Variants in INPPL1 observed in about 807,000 individuals in gnomAD.
INPPL1 encodes the protein inositol polyphosphate phosphatase like 1, also known as phosphatidylinositol 3,4,5-trisphosphate 5-phosphatase 2.
INPPL1 carries 91 observed loss-of-function variants against 139.3 expected under a neutral mutation model. The observed-to-expected ratio is 0.65, with a 90% CI of 0.55 to 0.78. The LOEUF (loss-of-function observed/expected upper bound fraction) is 0.78. Among genes scored for constraint, INPPL1 ranks in the 30% least tolerant of loss-of-function variants. INPPL1 has a pLI of 0.00. For synonymous variants in INPPL1, 719 were observed against 686.6 expected (o/e 1.05, Z -0.74); for missense variants, 1,411 against 1,665.6 (o/e 0.85, Z 2.66).
At position 72,234,835 on chromosome 11, in the gene INPPL1, GTTCA is replaced by G. The variant is rs1343889200; in HGVS notation, c.2415+229_2415+232del. Among the ~76,000 whole-genome samples, 7 of 151,936 alleles carry G rather than the reference GTTCA, an allele frequency of 4.6e-5. No individual in the cohort carries two copies. The highest frequency in any genetic ancestry group is 1.0e-4 in the Non-Finnish European group (7 of 67,972). On this transcript the variant is annotated intron_variant, in intron 21 of 27. Coordinates refer to ENST00000298229, the MANE Select transcript of INPPL1 (RefSeq NM_001567.4). This position sits in a 1 kb window ranked among gnomAD's most constrained non-coding sequence, Gnocchi z 4.2. ...GGAGTGTGGAACCTTGTTGCAGTTT[GTTCA>G]TTCATTCAGGAGATGCTTCTTGAGC...
At position 72,228,461 on chromosome 11, in the gene INPPL1, G is replaced by A. The variant is rs200094851; in HGVS notation, c.360G>A (p.Glu120=). ...CCCTGCTTCTTCCTGTAGAGGGTGA[G>A]CGAGAGCCGGACCCACCGGATGACC... The part of the protein sequence containing the change: ...VCALLLPVEG[E]REPDPPDDRD... The change falls in exon 3 of 28, where the codon GAG becomes GAA. Residue 120 remains glutamate, a synonymous_variant. Transcript: ENST00000298229. This position sits in a 1 kb window ranked among gnomAD's most constrained non-coding sequence, Gnocchi z 5.0. 27 of 1,610,454 alleles carry A rather than the reference G, an allele frequency of 1.7e-5. No individual in the cohort carries two copies. Among genetic ancestry groups the A allele is most frequent in the Non-Finnish European group, 1.8e-5 (21 of 1,179,998 alleles).
intron 1 of INPPL1, 200 bp from the exon 2 acceptor site, chr11:72,227,990 T>C (rs1948721630): frequency 1.4e-5 from 7 of 502,862 alleles, no homozygotes; most frequent in Admixed American, 8.9e-5. Context: ...GGTGTTCTGG[T>C]CATTCCTGCC....
At chr11:72,237,889 C>A in intron 26 of INPPL1, 93 bp downstream of exon 26, 1 of 1,471,034 alleles carries the variant, frequency 6.8e-7, no homozygotes. Flanking sequence ...CTCATGGTGT[C>A]CCTGCTACCC....
chr11:72,229,960 C>A lies in INPPL1; in HGVS notation c.880C>A (p.Pro294Thr). Reference protein sequence around the residue: ...KALQDMSSTAPPAPQPSTRKA... With the variant: ...KALQDMSSTATPAPQPSTRKA... ...CCTACAGGACATGAGCTCCACAGCA[C>A]CCCCAGCTCCGCAGCCATCCACACG... The change falls in exon 8 of 28, where the codon CCC becomes ACC. Residue 294 changes from proline (P) to threonine (T), a missense_variant. Pro to Thr is a conservative substitution (Grantham distance 38). Around this residue, in one of 5 missense-constraint regions of INPPL1, gnomAD observed 504 missense variants for 595.6 expected, o/e 0.85. Transcript: ENST00000298229. 1 of 1,614,196 alleles carries A rather than the reference C, an allele frequency of 6.2e-7. No homozygotes were observed. Among genetic ancestry groups the A allele is most frequent in the Non-Finnish European group, 8.5e-7 (1 of 1,180,030 alleles).
rs746371096 is a variant in INPPL1 at position 72,234,732 on chromosome 11, A to AGAGTGT, written c.2415+118_2415+119insAGTGTG. The AGAGTGT allele has an allele frequency of 8.1e-3, 4,258 of 527,454 alleles. 54 individuals are homozygous for AGAGTGT. The highest frequency in any genetic ancestry group is 0.047 in the African/African-American group (2,294 of 48,316). 32.7% of individuals were successfully genotyped at this position (527,454 alleles called of 1,614,324 possible). ...GGGGCCAGCAGAGAGAGAGAGAGAG[A>AGAGTGT]GTGTGTGTGTGTGTGTGTGTGTGTG... On this transcript the variant is annotated intron_variant, in intron 21 of 27. Transcript: ENST00000298229. This position sits in a 1 kb window ranked among gnomAD's most constrained non-coding sequence, Gnocchi z 4.2.
intron 17 of INPPL1, 91 bp downstream of exon 17, chr11:72,233,254 C>A: frequency 8.3e-7 from 1 of 1,203,206 alleles, no homozygotes. Context: ...CTGCAGCTTC[C>A]ACTCCAGCCT....
At position 72,236,373 on chromosome 11, in the gene INPPL1, G is replaced by A. The variant is rs1422946287; in HGVS notation, c.2879+387G>A. 3.3e-5 allele frequency among the ~76,000 whole-genome samples: 5 copies of A among 152,270 alleles called. No homozygotes were observed. In the East Asian group the frequency reaches 9.7e-4, roughly 29 times the overall value. On this transcript the variant is annotated intron_variant, in intron 25 of 27. Transcript: ENST00000298229. The stretch of plus-strand genomic sequence containing the variant: ...GAGGCCCCAGTTGAAATGGGTTTGT[G>A]GTCAAATGAGTTTGGGAAATGCTTT...
At position 72,235,512 on chromosome 11, in the gene INPPL1, C is replaced by T. The variant is rs1290758214; in HGVS notation, c.2659+61C>T. On this transcript the variant is annotated intron_variant, in intron 23 of 27. Coordinates refer to ENST00000298229, the MANE Select transcript of INPPL1 (RefSeq NM_001567.4). This position sits in a 1 kb window ranked among gnomAD's most constrained non-coding sequence, Gnocchi z 4.9. ...TGAACAGATCAAGGAGGGCAGGGTG[C>T]GGGGGGCATGTTGGAATCTCTGGGA... 12 of 1,576,686 alleles carry T rather than the reference C, an allele frequency of 7.6e-6. No individual in the cohort carries two copies. Among genetic ancestry groups the T allele is most frequent in the South Asian group, 2.3e-5 (2 of 87,686 alleles).
In INPPL1 at chr11:72,238,458, C is replaced by CT; in HGVS notation, c.*106dup. 1.1e-6 allele frequency: 1 copy of CT among 900,632 alleles called. No individual in the cohort carries two copies. The highest frequency in any genetic ancestry group is 1.6e-6 in the Non-Finnish European group (1 of 623,650). 55.8% of individuals were successfully genotyped at this position (900,632 alleles called of 1,614,324 possible). On this transcript the variant is annotated 3_prime_UTR_variant, in exon 28 of 28. Transcript: ENST00000298229. ...TTATGAGGGTCAGGGCAGTATCTCT[C>CT]TGCCTATTTATTGGGGTGCCTATTT...
intron 25 of INPPL1, among the ~76,000 whole-genome samples, chr11:72,236,654 C>T (rs1948996215): frequency 6.6e-6 from 1 of 152,172 alleles, no homozygotes. Flanking sequence ...CTCCTAGGTA[C>T]AGTTTGGTGC....
chr11:72,238,635 C>T lies in INPPL1; in HGVS notation c.*282C>T. ...GGTGCTGTCCTGTTTTACTGGACCC[C>T]GCCTCCCAGCCCCAGGGGTGCCTGT... On this transcript the variant is annotated 3_prime_UTR_variant, in exon 28 of 28. Transcript: ENST00000298229. 1 of 270,808 alleles carries T rather than the reference C, an allele frequency of 3.7e-6. No homozygotes were observed. The highest frequency in any genetic ancestry group is 1.4e-4 in the South Asian group (1 of 7,322). 16.8% of individuals were successfully genotyped at this position (270,808 alleles called of 1,614,324 possible).
Position 72,233,640 on chromosome 11 carries a change from ATCCC to A in INPPL1, c.2123-14_2123-11del. On this transcript the variant is annotated splice_polypyrimidine_tract_variant and intron_variant, in intron 18 of 27. Coordinates refer to ENST00000298229, the MANE Select transcript of INPPL1 (RefSeq NM_001567.4). ...ATATTCCCCCTGAGTCCCCATTCCT[ATCCC>A]CTCTCCCCAGGTTGCACTGATGACA... 6.2e-7 allele frequency: 1 copy of A among 1,613,002 alleles called. No individual in the cohort carries two copies. Among genetic ancestry groups the A allele is most frequent in the Admixed American group, 1.7e-5 (1 of 59,992 alleles).
At chr11:72,236,664 C>A (rs887346645) in intron 25 of INPPL1, among the ~76,000 whole-genome samples, 3 of 152,148 alleles carry the variant, frequency 2.0e-5, no homozygotes, top group African/African-American at 7.2e-5. Context: ...CAGTTTGGTG[C>A]TTTTTCACTC....
chr11:72,238,871 C>T lies in INPPL1; in HGVS notation c.*518C>T, dbSNP rs1244876176. On this transcript the variant is annotated 3_prime_UTR_variant, in exon 28 of 28. Coordinates refer to ENST00000298229, the MANE Select transcript of INPPL1 (RefSeq NM_001567.4). ...GTGTGGGTCTGGGGAGGGAGAGCAC[C>T]TTAATATTATTGGGGTTGGTTGGGG... 1 of 152,668 alleles carries T rather than the reference C, an allele frequency of 6.6e-6. No individual in the cohort carries two copies. The highest frequency in any genetic ancestry group is 6.5e-5 in the Admixed American group (1 of 15,272). The allele number at this position is 152,668 out of a possible 1,614,324, so 9.5% of individuals were successfully genotyped here.
rs773028384 is a variant in INPPL1 at position 72,235,790 on chromosome 11, T to G, written c.2738+37T>G. The G allele has an allele frequency of 6.2e-7, 1 of 1,613,752 alleles. No individual in the cohort carries two copies. Among genetic ancestry groups the G allele is most frequent in the South Asian group, 1.1e-5 (1 of 91,060 alleles). Reference sequence around the variant, plus strand: ...CTGTGTTGAATGTCATATGAAAGGGTACCTGGGGGCATCTGGTCAACCCCA... The same window carrying G: ...CTGTGTTGAATGTCATATGAAAGGGGACCTGGGGGCATCTGGTCAACCCCA... On this transcript the variant is annotated intron_variant, in intron 24 of 27. Coordinates refer to ENST00000298229, the MANE Select transcript of INPPL1 (RefSeq NM_001567.4). The surrounding 1 kb of genome is among the most constrained non-coding windows in gnomAD (Gnocchi z 4.9).
In INPPL1 at chr11:72,235,225, G is replaced by A. The variant is rs1353880459; in HGVS notation, c.2503+22G>A. The stretch of plus-strand genomic sequence containing the variant: ...TATGGTGAGGGGTGAGGGGTGCTGA[G>A]GGGAACAGGAAGCCAGACAGGGCCC... On this transcript the variant is annotated intron_variant, in intron 22 of 27. Transcript: ENST00000298229. The surrounding 1 kb of genome is among the most constrained non-coding windows in gnomAD (Gnocchi z 4.9). 6 of 1,614,016 alleles carry A rather than the reference G, an allele frequency of 3.7e-6. No individual in the cohort carries two copies.
chr11:72,232,425 C>T lies in INPPL1; in HGVS notation c.1712+89C>T, dbSNP rs1948860708. The T allele has an allele frequency of 6.9e-6, 9 of 1,297,880 alleles. No homozygotes were observed. In the East Asian group the frequency reaches 2.3e-4, roughly 33 times the overall value. The allele number at this position is 1,297,880 out of a possible 1,614,324, so 80.4% of individuals were successfully genotyped here. A position where few individuals can be genotyped will look rare whatever the true frequency, so the allele number is the denominator to read the frequency against. On this transcript the variant is annotated intron_variant, in intron 14 of 27. Coordinates refer to ENST00000298229, the MANE Select transcript of INPPL1 (RefSeq NM_001567.4). ...CTCCCATACCCTAGCCCATGACCCTCCCGCAGGCCTGTCTCCAGAGACCCC... is the reference window on the plus strand; with the variant it reads ...CTCCCATACCCTAGCCCATGACCCTTCCGCAGGCCTGTCTCCAGAGACCCC...
Position 72,235,634 on chromosome 11 carries a change from G to A in INPPL1, c.2660-41G>A, listed in dbSNP as rs1189173464. The A allele has an allele frequency of 1.2e-6, 2 of 1,609,986 alleles. No individual in the cohort carries two copies. Among genetic ancestry groups the A allele is most frequent in the Middle Eastern group, 1.7e-4 (1 of 6,046 alleles). On this transcript the variant is annotated intron_variant, in intron 23 of 27. Transcript: ENST00000298229. The surrounding 1 kb of genome is among the most constrained non-coding windows in gnomAD (Gnocchi z 4.9). ...CCCACTGGGTGTCTGTGGGATCCAGGAGCCCAGGTCTCCTCTGAGTCTCCC... is the reference window on the plus strand; with the variant it reads ...CCCACTGGGTGTCTGTGGGATCCAGAAGCCCAGGTCTCCTCTGAGTCTCCC...
At position 72,229,949 on chromosome 11, in the gene INPPL1, G is replaced by A. The variant is rs201624140; in HGVS notation, c.869G>A (p.Ser290Asn). 6.2e-6 allele frequency: 10 copies of A among 1,614,178 alleles called. No individual in the cohort carries two copies. Among genetic ancestry groups the A allele is most frequent in the Non-Finnish European group, 6.8e-6 (8 of 1,180,034 alleles). ...GCCCTGAAGGCCCTACAGGACATGAGCTCCACAGCACCCCCAGCTCCGCAG... is the reference window on the plus strand; with the variant it reads ...GCCCTGAAGGCCCTACAGGACATGAACTCCACAGCACCCCCAGCTCCGCAG... ...KKALKALQDMSSTAPPAPQPS... is the reference protein window; with the variant it reads ...KKALKALQDMNSTAPPAPQPS... The change falls in exon 8 of 28, where the codon AGC becomes AAC. Residue 290 changes from serine to asparagine, a missense_variant. Coordinates refer to ENST00000298229, the MANE Select transcript of INPPL1 (RefSeq NM_001567.4).
Sources: gnomAD v4.1 joint callset for allele counts (sites outside exome capture counted in the v4.1 genomes callset) on GRCh38, gnomAD v4.1.1 for gene constraint, gnomAD v4.1.1 regional missense constraint, Gnocchi (gnomAD v3.1) non-coding constraint, MANE v1.5 for transcripts, NCBI Gene and HGNC (gene_info 2026-07-23, HGNC 2026-07-21) for gene names.